Variants in ARHGAP35 observed in about 807,000 individuals in gnomAD.
The protein encoded by ARHGAP35 is rho GTPase-activating protein 35.
Under a neutral mutation model 111.1 loss-of-function variants are expected in ARHGAP35, and 15 were observed. The observed-to-expected ratio is 0.13, with a 90% CI of 0.09 to 0.21. The LOEUF is 0.21. Among genes scored for constraint, ARHGAP35 ranks in the 10% least tolerant of loss-of-function variants. The pLI is 1.00. For missense variants in ARHGAP35, 1,262 were observed against 1,873.0 expected, an observed-to-expected ratio of 0.67 and a Z score of 6.02; for synonymous variants, 643 against 710.3, an observed-to-expected ratio of 0.91 and a Z score of 1.51.
chr19:46,945,365 T>G lies in ARHGAP35; in HGVS notation c.3826+7957T>G, dbSNP rs2056373446. On this transcript the variant is annotated intron_variant, in intron 3 of 6. Coordinates refer to ENST00000672722, the MANE Select transcript of ARHGAP35 (RefSeq NM_004491.5). This position sits in a 1 kb window ranked among gnomAD's most constrained non-coding sequence, Gnocchi z 4.1. The stretch of plus-strand genomic sequence containing the variant: ...ACATTGGCCAAGCTCATCTGAGCTC[T>G]CTGATGCACAGCAGGAAGTAGAATT... Among the ~76,000 whole-genome samples, 1 of 152,180 alleles carries G rather than the reference T, an allele frequency of 6.6e-6. No individual in the cohort carries two copies. The highest frequency in any genetic ancestry group is 2.1e-4 in the South Asian group (1 of 4,830).
At chr19:46,928,921 G>A (rs763569436) in intron 2 of ARHGAP35, among the ~76,000 whole-genome samples, 8 of 150,828 alleles carry the variant, frequency 5.3e-5, no homozygotes, top group Non-Finnish European at 1.0e-4. Flanking sequence ...AACAGAGGGA[G>A]ACGGTCTCAA....
rs533344068 is a variant in ARHGAP35, at chr19:46,998,551, C to A, written c.4037-753C>A. Among the ~76,000 whole-genome samples, 6 of 152,348 alleles carry A rather than the reference C, an allele frequency of 3.9e-5. No individual in the cohort carries two copies. The South Asian group carries it at 1.2e-3, about 32-fold the overall frequency. On this transcript the variant is annotated intron_variant, in intron 5 of 6. Transcript: ENST00000672722. ...CCACAGCTCAGGCCCCACAGCCAGT[C>A]CCAGCTCTGCAACTTCTAAACTCAG...
intron 3 of ARHGAP35, among the ~76,000 whole-genome samples, chr19:46,944,139 A>G (rs2056365018): frequency 6.6e-6 from 1 of 152,038 alleles, no homozygotes; most frequent in Non-Finnish European, 1.5e-5. Context: ...GTCTCTACCA[A>G]AAATACAAAA....
chr19:46,980,855 C>T (rs1188729422), intron 3 of ARHGAP35, among the ~76,000 whole-genome samples: 1 of 152,236 alleles, frequency 6.6e-6, no homozygotes, highest in Non-Finnish European at 1.5e-5. Flanking sequence ...ATAATAGCTA[C>T]TCTCTCAGCA....
At chr19:46,888,735 TGTAATCCCAGCA>T in intron 1 of ARHGAP35, among the ~76,000 whole-genome samples, 1 of 151,538 alleles carries the variant, frequency 6.6e-6, no homozygotes, top group East Asian at 1.9e-4. Flanking sequence ...GGCTTATGCC[TGTAATCCCAGCA>T]CTTTGGGAGG....
chr19:46,995,009 G>A (rs538638054), intron 5 of ARHGAP35, among the ~76,000 whole-genome samples: 1 of 152,318 alleles, frequency 6.6e-6, no homozygotes, highest in East Asian at 1.9e-4. Context: ...GAGGACTGTT[G>A]AGGGACCTGT....
intron 1 of ARHGAP35, among the ~76,000 whole-genome samples, chr19:46,888,140 G>A (rs1456400330): frequency 6.7e-6 from 1 of 149,184 alleles, no homozygotes; most frequent in Non-Finnish European, 1.5e-5. Context: ...TTTTAGTAGA[G>A]ACGGGGTTTC....
At chr19:46,862,568 A>G (rs1184563780) in intron 1 of ARHGAP35, among the ~76,000 whole-genome samples, 11 of 150,702 alleles carry the variant, frequency 7.3e-5, no homozygotes, top group Admixed American at 6.6e-4. Context: ...TCCATTTTGT[A>G]CCTACACTTT....
At chr19:46,954,411 G>A (rs1398292568) in intron 3 of ARHGAP35, among the ~76,000 whole-genome samples, 1 of 152,202 alleles carries the variant, frequency 6.6e-6, no homozygotes, top group African/African-American at 2.4e-5. Context: ...ACAGCAATTG[G>A]GTCAGCAGAA....
chr19:46,864,459 G>C (rs530324666), intron 1 of ARHGAP35, among the ~76,000 whole-genome samples: 94 of 152,280 alleles, frequency 6.2e-4, no homozygotes, highest in African/African-American at 2.3e-3. Flanking sequence ...AACTGTGAAG[G>C]AGCATTTACT....
At position 46,926,397 on chromosome 19, in the gene ARHGAP35, AGTT is replaced by A. The variant is rs971766792; in HGVS notation, c.3681+4049_3681+4051del. ...ATGAATAGTGGCTTTGTCTGTAAAG[AGTT>A]GTTGTTGCACATGGTCTCTGTCTCC... On this transcript the variant is annotated intron_variant, in intron 2 of 6. Transcript: ENST00000672722. The surrounding 1 kb of genome is among the most constrained non-coding windows in gnomAD (Gnocchi z 4.1). Among the ~76,000 whole-genome samples, 1 of 152,158 alleles carries A rather than the reference AGTT, an allele frequency of 6.6e-6. No homozygotes were observed. Among genetic ancestry groups the A allele is most frequent in the African/African-American group, 2.4e-5 (1 of 41,430 alleles).
intron 1 of ARHGAP35, among the ~76,000 whole-genome samples, chr19:46,889,330 G>A (rs2056012296): frequency 1.3e-5 from 2 of 152,008 alleles, no homozygotes; most frequent in African/African-American, 2.4e-5. Flanking sequence ...GTGGTGGCGT[G>A]TGCCTGTAGT....
rs1474661759 is a variant in ARHGAP35 at position 47,001,378 on chromosome 19, G to GA, written c.*696dup. On this transcript the variant is annotated 3_prime_UTR_variant, in exon 7 of 7. Transcript: ENST00000672722. The surrounding 1 kb of genome is among the most constrained non-coding windows in gnomAD (Gnocchi z 5.4). ...CCTGGCAAACAAAGGAACACTAGGA[G>GA]AAAAAATGGAAAAACCCTTCCAGTA... The GA allele has an allele frequency of 5.4e-6, 7 of 1,289,570 alleles. No individual in the cohort carries two copies. Among genetic ancestry groups the GA allele is most frequent in the African/African-American group, 4.5e-5 (3 of 65,944 alleles). The allele number at this position is 1,289,570 out of a possible 1,614,324, so 79.9% of individuals were successfully genotyped here. A position where few individuals can be genotyped will look rare whatever the true frequency, so the allele number is the denominator to read the frequency against.
Position 46,919,614 on chromosome 19 carries a change from G to C in ARHGAP35, c.939G>C (p.Gly313=). The C allele has an allele frequency of 6.2e-7, 1 of 1,613,914 alleles. No homozygotes were observed. ...ACCAGGACTATGTCTACCTGGAAGG[G>C]ACTCAGAAAGCCAAGAAGCTGTTTC... ...PEYQDYVYLE[G]TQKAKKLFLQ... is the part of the protein sequence containing the mutation. Residue 313 remains glycine, a synonymous_variant, in exon 2 of 7, where the codon GGG becomes GGC. Transcript: ENST00000672722. This position sits in a 1 kb window ranked among gnomAD's most constrained non-coding sequence, Gnocchi z 6.2.
At position 46,920,983 on chromosome 19, in the gene ARHGAP35, TCTA is replaced by T. The variant is rs1245624820; in HGVS notation, c.2311_2313del (p.Thr771del). 3 of 1,613,898 alleles carry T rather than the reference TCTA, an allele frequency of 1.9e-6. No homozygotes were observed. In the African/African-American group the frequency reaches 4.0e-5, roughly 22 times the overall value. On this transcript the variant is annotated inframe_deletion, in exon 2 of 7. Coordinates refer to ENST00000672722, the MANE Select transcript of ARHGAP35 (RefSeq NM_004491.5). The surrounding 1 kb of genome is among the most constrained non-coding windows in gnomAD (Gnocchi z 7.0). ...TAAGCGTAACTTAAACCTGGTCAGT[TCTA>T]CTGCTAGCATCAAAGATTTGGCTGA...
In ARHGAP35 at chr19:46,897,575, C is replaced by T. The variant is rs1451672887; in HGVS notation, c.-188-20913C>T. 2.0e-5 allele frequency among the ~76,000 whole-genome samples: 3 copies of T among 151,264 alleles called. No individual in the cohort carries two copies. In the East Asian group the frequency reaches 5.8e-4, roughly 29 times the overall value. ...TCTCCAAGCAGGTTGAAAACTGAGA[C>T]TTTCAAGAGCCAGGGGATTTGAGTG... On this transcript the variant is annotated intron_variant, in intron 1 of 6. Transcript: ENST00000672722.
At chr19:46,883,381 G>A (rs868394522) in intron 1 of ARHGAP35, among the ~76,000 whole-genome samples, 5 of 152,122 alleles carry the variant, frequency 3.3e-5, no homozygotes, top group Admixed American at 2.0e-4. Context: ...GATTACAGGC[G>A]TGAGCCACTG....
chr19:46,916,254 G>C (rs768160880), intron 1 of ARHGAP35, among the ~76,000 whole-genome samples: 1 of 152,024 alleles, frequency 6.6e-6, no homozygotes, highest in African/African-American at 2.4e-5. Flanking sequence ...AACTCTTAAA[G>C]TGGTTTGATC....
At chr19:46,950,687 C>T (rs4416131) in intron 3 of ARHGAP35, among the ~76,000 whole-genome samples, 1 of 152,134 alleles carries the variant, frequency 6.6e-6, no homozygotes, top group Admixed American at 6.5e-5. Flanking sequence ...CTTGCCCCAG[C>T]TGGATCGTTG....
Sources: gnomAD v4.1 joint callset for allele counts (sites outside exome capture counted in the v4.1 genomes callset) on GRCh38, gnomAD v4.1.1 for gene constraint, Gnocchi (gnomAD v3.1) non-coding constraint, MANE v1.5 for transcripts, NCBI Gene and HGNC (gene_info 2026-07-23, HGNC 2026-07-21) for gene names.